The following MAPK10 variants were observed in gnomAD, a reference collection of about 807,000 sequenced individuals.
MAPK10 encodes the protein mitogen-activated protein kinase 10.
A neutral mutation model predicts 59.3 loss-of-function variants in MAPK10; 25 were observed. The observed-to-expected ratio is 0.42, with a 90% CI of 0.31 to 0.59. MAPK10 has a LOEUF of 0.59. Among genes scored for constraint, MAPK10 ranks in the 20% least tolerant of loss-of-function variants. The pLI is 0.15. For missense variants in MAPK10, 351 were observed against 568.9 expected (o/e 0.62, Z 3.90); for synonymous variants, 190 against 200.5 (o/e 0.95, Z 0.44).
intron 1 of MAPK10, among the ~76,000 whole-genome samples, chr4:86,378,436 C>T (rs578231209): frequency 6.6e-5 from 10 of 152,274 alleles, no homozygotes; most frequent in African/African-American, 2.2e-4. Flanking sequence ...AATAGTACCC[C>T]ACATCACCTC....
At chr4:86,507,902 C>T (rs1177480618) in intron 1 of MAPK10, among the ~76,000 whole-genome samples, 1 of 150,682 alleles carries the variant, frequency 6.6e-6, no homozygotes, top group Non-Finnish European at 1.5e-5. Flanking sequence ...TGCACAAAGG[C>T]CATTGCAACT....
chr4:86,017,671 T>G lies in MAPK10; in HGVS notation c.1253-301A>C, dbSNP rs977954261. Among the ~76,000 whole-genome samples, 8 of 152,230 alleles carry G rather than the reference T, an allele frequency of 5.3e-5. No individual in the cohort carries two copies. The highest frequency in any genetic ancestry group is 1.2e-4 in the Non-Finnish European group (8 of 68,044). On this transcript the variant is annotated intron_variant, in intron 13 of 13. Coordinates refer to ENST00000641462, the MANE Select transcript of MAPK10 (RefSeq NM_138982.4). The surrounding 1 kb of genome is among the most constrained non-coding windows in gnomAD (Gnocchi z 4.4). The stretch of plus-strand genomic sequence containing the variant: ...ATTGCCTCCCCTGCCCCCACTGCAC[T>G]GCATATATTTTAATATAATTGGCCT...
At chr4:86,566,429 C>G (rs1761062965) in intron 1 of MAPK10, among the ~76,000 whole-genome samples, 1 of 152,020 alleles carries the variant, frequency 6.6e-6, no homozygotes, top group Admixed American at 6.6e-5. Flanking sequence ...TAAAAGTAGT[C>G]TAGGCCGGGC....
rs535004915 is a variant in MAPK10, at chr4:86,358,412, T to C, written c.-122+1246A>G. ...TCCACCTGAACTGTAGTCTATCCCA[T>C]ATGACTTAGCCTGCTTCCTTGCAGT... On this transcript the variant is annotated intron_variant, in intron 1 of 13. Transcript: ENST00000641462. 10 of 979,948 alleles carry C rather than the reference T, an allele frequency of 1.0e-5. No homozygotes were observed. The African/African-American group carries it at 1.6e-4, about 15-fold the overall frequency. 60.7% of individuals were successfully genotyped at this position (979,948 alleles called of 1,614,324 possible). A position where few individuals can be genotyped will look rare whatever the true frequency, so the allele number is the denominator to read the frequency against.
At chr4:86,292,536 G>A (rs1355430168) in intron 2 of MAPK10, among the ~76,000 whole-genome samples, 2 of 152,082 alleles carry the variant, frequency 1.3e-5, no homozygotes, top group Non-Finnish European at 2.9e-5. Flanking sequence ...GGGCAACATA[G>A]CAAGACCCTG....
At chr4:86,041,681 A>G (rs1293048791) in intron 11 of MAPK10, among the ~76,000 whole-genome samples, 1 of 152,228 alleles carries the variant, frequency 6.6e-6, no homozygotes, top group Non-Finnish European at 1.5e-5. Context: ...ACACTTCTCA[A>G]AAGAAGACAT....
At chr4:86,445,513 A>G (rs1253673218) in intron 1 of MAPK10, among the ~76,000 whole-genome samples, 1 of 152,148 alleles carries the variant, frequency 6.6e-6, no homozygotes, top group Non-Finnish European at 1.5e-5. Context: ...CATGGCACAC[A>G]TTTACCTATG....
chr4:86,080,596 A>C (rs1033842743), intron 9 of MAPK10: 1 of 152,034 alleles, frequency 6.6e-6, no homozygotes, highest in African/African-American at 2.4e-5. Context: ...TAATCTCAAA[A>C]TAAAAGGTCA....
intron 1 of MAPK10, among the ~76,000 whole-genome samples, chr4:86,383,024 T>A (rs1485999577): frequency 6.6e-6 from 1 of 152,186 alleles, no homozygotes; most frequent in African/African-American, 2.4e-5. Context: ...TAAATTGAGT[T>A]AAGAATTTTT....
intron 2 of MAPK10, among the ~76,000 whole-genome samples, chr4:86,263,662 G>T (rs1275829648): frequency 6.6e-6 from 1 of 152,132 alleles, no homozygotes; most frequent in Non-Finnish European, 1.5e-5. Context: ...GCTTGATGAG[G>T]GTTTGAATTT....
chr4:86,108,855 C>G (rs1231749765), intron 4 of MAPK10, among the ~76,000 whole-genome samples: 1 of 152,160 alleles, frequency 6.6e-6, no homozygotes, highest in Non-Finnish European at 1.5e-5. Flanking sequence ...AATGCGTGGC[C>G]TAGAGTCAAC....
chr4:86,173,336 T>C (rs2074847537), intron 3 of MAPK10, among the ~76,000 whole-genome samples: 2 of 152,152 alleles, frequency 1.3e-5, no homozygotes, highest in South Asian at 4.1e-4. Context: ...AACCATCTGA[T>C]CTTCAGCAAA....
At chr4:86,143,860 T>C (rs1460163786) in intron 4 of MAPK10, among the ~76,000 whole-genome samples, 1 of 152,184 alleles carries the variant, frequency 6.6e-6, no homozygotes, top group East Asian at 1.9e-4. Flanking sequence ...TCTCCAGACA[T>C]ATATTTTATG....
intron 1 of MAPK10, among the ~76,000 whole-genome samples, chr4:86,541,822 C>A (rs913690232): frequency 2.0e-5 from 3 of 152,042 alleles, no homozygotes; most frequent in African/African-American, 7.2e-5. Context: ...CTGTGGACTG[C>A]CAAGAAATTC....
intron 4 of MAPK10, among the ~76,000 whole-genome samples, chr4:86,145,348 C>T (rs1476943982): frequency 4.1e-5 from 3 of 73,274 alleles, no homozygotes; most frequent in Non-Finnish European, 7.0e-5. Flanking sequence ...GGCTACAGAG[C>T]GAGACACCGT....
intron 1 of MAPK10, among the ~76,000 whole-genome samples, chr4:86,528,330 C>A (rs1303594731): frequency 1.3e-5 from 2 of 151,468 alleles, no homozygotes; most frequent in Non-Finnish European, 2.9e-5. Context: ...TAAAGCAATT[C>A]CATGATATTT....
At chr4:86,361,879 G>A (rs1039984179), upstream of MAPK10, among the ~76,000 whole-genome samples, 2 of 152,166 alleles carry the variant, frequency 1.3e-5, no homozygotes, top group African/African-American at 4.8e-5. Context: ...ACCAGTGGCT[G>A]GAGGACGGAA....
intron 2 of MAPK10, among the ~76,000 whole-genome samples, chr4:86,238,200 T>G (rs755751003): frequency 3.3e-5 from 5 of 152,292 alleles, no homozygotes; most frequent in African/African-American, 4.8e-5. Context: ...GCTCTATTGG[T>G]CTATATGTCT....
At position 86,359,942 on chromosome 4, in the gene MAPK10, A is replaced by G; in HGVS notation, c.-406T>C. The G allele has an allele frequency of 1.0e-6, 1 of 985,824 alleles. No individual in the cohort carries two copies. The highest frequency in any genetic ancestry group is 1.2e-6 in the Non-Finnish European group (1 of 829,960). The allele number at this position is 985,824 out of a possible 1,614,324, so 61.1% of individuals were successfully genotyped here. A position where few individuals can be genotyped will look rare whatever the true frequency, so the allele number is the denominator to read the frequency against. ...TAGCAAGCACCACCCACCCCCATAA[A>G]AATAAAAAGTGAAGGGGAGGTTAAA... On this transcript the variant is annotated 5_prime_UTR_variant, in exon 1 of 14. Coordinates refer to ENST00000641462, the MANE Select transcript of MAPK10 (RefSeq NM_138982.4).
Sources: allele counts gnomAD v4.1 joint callset (sites outside exome capture counted in the v4.1 genomes callset), GRCh38; gene constraint gnomAD v4.1.1; non-coding constraint Gnocchi (gnomAD v3.1); transcripts MANE v1.5; gene names NCBI Gene and HGNC (gene_info 2026-07-23, HGNC 2026-07-21).